The following LMBR1 variants were observed in gnomAD, a reference collection of about 807,000 sequenced individuals.
The protein encoded by LMBR1 is limb region 1 protein homolog.
LMBR1 carries 52 observed loss-of-function variants against 73.9 expected under a neutral mutation model. That is an observed-to-expected ratio of 0.70 (90% CI 0.56 to 0.89). The LOEUF (loss-of-function observed/expected upper bound fraction) is 0.89. LMBR1 is among the 40% of genes least tolerant of loss of function. The probability of loss-of-function intolerance (pLI) is 0.00; values close to 1 mark genes in which losing one functional copy is unlikely to be tolerated. For synonymous variants in LMBR1, 215 were observed against 209.4 expected, an observed-to-expected ratio of 1.03 and a Z score of -0.23; for missense variants, 539 against 579.8, an observed-to-expected ratio of 0.93 and a Z score of 0.72.
chr7:156,819,381 T>C (rs1018660903), intron 4 of LMBR1, among the ~76,000 whole-genome samples: 7 of 152,224 alleles, frequency 4.6e-5, no homozygotes, highest in African/African-American at 1.7e-4. Flanking sequence ...AAAACATCCA[T>C]ACTGACAATT....
chr7:156,874,124 G>A (rs1355039654), intron 1 of LMBR1, among the ~76,000 whole-genome samples: 2 of 152,236 alleles, frequency 1.3e-5, no homozygotes, highest in Non-Finnish European at 2.9e-5. Flanking sequence ...CAGGCATGGT[G>A]GGCTGCAGGT....
chr7:156,692,648 G>C (rs1210313080), intron 15 of LMBR1, among the ~76,000 whole-genome samples: 2 of 152,210 alleles, frequency 1.3e-5, no homozygotes, highest in African/African-American at 2.4e-5. Context: ...CACCTAAAGA[G>C]AGACTGCAGT....
intron 1 of LMBR1, among the ~76,000 whole-genome samples, chr7:156,873,738 G>T (rs1799703731): frequency 2.6e-5 from 4 of 152,058 alleles, no homozygotes; most frequent in African/African-American, 9.6e-5. Context: ...TAAACACAGG[G>T]TGCTGATTGG....
intron 1 of LMBR1, among the ~76,000 whole-genome samples, chr7:156,846,283 AAAAC>A (rs1469939751): frequency 2.0e-5 from 3 of 152,098 alleles, no homozygotes; most frequent in African/African-American, 7.2e-5. Flanking sequence ...GTCTTTTAAA[AAAAC>A]AAACAAACAA....
intron 4 of LMBR1, among the ~76,000 whole-genome samples, chr7:156,799,894 A>G (rs1424434690): frequency 1.3e-5 from 2 of 152,248 alleles, no homozygotes; most frequent in Admixed American, 1.3e-4. Context: ...TGCTCTGGAC[A>G]GATCACACCA....
intron 1 of LMBR1, among the ~76,000 whole-genome samples, chr7:156,856,594 G>T (rs914562452): frequency 2.6e-5 from 4 of 151,844 alleles, no homozygotes; most frequent in Non-Finnish European, 5.9e-5. Flanking sequence ...GGTGGCATGT[G>T]CCTGTAATCT....
chr7:156,833,845 C>CATT lies in LMBR1; in HGVS notation c.140-56_140-54dup, dbSNP rs763209749. The CATT allele has an allele frequency of 9.5e-4, 1,089 of 1,143,336 alleles. 4 individuals carry two copies. Among genetic ancestry groups the CATT allele is most frequent in the South Asian group, 1.3e-3 (95 of 72,030 alleles). 70.8% of individuals were successfully genotyped at this position (1,143,336 alleles called of 1,614,324 possible). A position where few individuals can be genotyped will look rare whatever the true frequency, so the allele number is the denominator to read the frequency against. ...TCCTTTATCTTCTAACAAAATGCGT[C>CATT]ATTAATTTATTAAAACTATAAACAC... On this transcript the variant is annotated intron_variant, in intron 2 of 16. Transcript: ENST00000353442.
intron 4 of LMBR1, among the ~76,000 whole-genome samples, chr7:156,820,728 C>T (rs1834643569): frequency 1.3e-5 from 2 of 152,128 alleles, no homozygotes; most frequent in African/African-American, 2.4e-5. Context: ...TTCTCATTTG[C>T]GTGTGTTGCT....
At chr7:156,791,285 T>C (rs1563368551) in intron 5 of LMBR1, among the ~76,000 whole-genome samples, 1 of 152,138 alleles carries the variant, frequency 6.6e-6, no homozygotes, top group Non-Finnish European at 1.5e-5. Context: ...AAGCAGCACT[T>C]CCTTAATCAC....
downstream of LMBR1, among the ~76,000 whole-genome samples, chr7:156,673,717 A>G (rs907097233): frequency 6.6e-6 from 1 of 152,104 alleles, no homozygotes; most frequent in Non-Finnish European, 1.5e-5. Context: ...CCTTAAAGCC[A>G]ATACTCATTC....
In LMBR1 at chr7:156,833,764, G is replaced by A. The variant is rs1308711367; in HGVS notation, c.168C>T (p.Val56=). The A allele has an allele frequency of 1.9e-6, 3 of 1,599,724 alleles. No homozygotes were observed. The highest frequency in any genetic ancestry group is 2.6e-6 in the Non-Finnish European group (3 of 1,173,130). ...SDEQEDEDAI[V]NRISLFLSTF... is the part of the protein sequence containing the mutation. ...TTTAAAATACATACGAAATCCTGTT[G>A]ACGATGGCATCTTCATCTTCTTGTT... Residue 56 remains valine, a synonymous_variant, in exon 3 of 17, where the codon GTC becomes GTT. Transcript: ENST00000353442.
intron 4 of LMBR1, among the ~76,000 whole-genome samples, chr7:156,811,151 A>C (rs2133606126): frequency 6.6e-6 from 1 of 152,220 alleles, no homozygotes; most frequent in African/African-American, 2.4e-5. Flanking sequence ...CCTCAAATTC[A>C]TTAATCTCTT....
At chr7:156,873,358 G>A (rs553333920) in intron 1 of LMBR1, among the ~76,000 whole-genome samples, 22 of 152,258 alleles carry the variant, frequency 1.4e-4, no homozygotes, top group East Asian at 1.4e-3. Context: ...AGATCTTCGC[G>A]GTGAGTGTTA....
At chr7:156,878,940 T>C (rs780845625) in intron 1 of LMBR1, among the ~76,000 whole-genome samples, 9 of 151,656 alleles carry the variant, frequency 5.9e-5, no homozygotes, top group Non-Finnish European at 1.3e-4. Flanking sequence ...AACAAAAACA[T>C]AAAGTGGGGA....
intron 5 of LMBR1, among the ~76,000 whole-genome samples, chr7:156,767,325 T>C (rs1418142074): frequency 2.0e-5 from 3 of 152,042 alleles, no homozygotes; most frequent in African/African-American, 7.2e-5. Flanking sequence ...ATGACAAATT[T>C]TTTCTAAATA....
Position 156,728,004 on chromosome 7 carries a change from T to C in LMBR1, c.919A>G (p.Ile307Val). 6.2e-7 allele frequency: 1 copy of C among 1,610,940 alleles called. No homozygotes were observed. The highest frequency in any genetic ancestry group is 1.1e-5 in the South Asian group (1 of 90,760). The change falls in exon 12 of 17, where the codon ATC becomes GTC. Residue 307 changes from isoleucine (I) to valine (V), a missense_variant. Coordinates refer to ENST00000353442, the MANE Select transcript of LMBR1 (RefSeq NM_022458.4). ...TTACAAGCCACCAAGAGGACCGAGA[T>C]GGACTACAAGACAAACAGCAAACTG... ...VMVLLLIETS[I>V]SVLLVACNIL...
Position 156,836,986 on chromosome 7 carries a change from C to T in LMBR1, c.67-101G>A, listed in dbSNP as rs1000188671. 95 of 778,376 alleles carry T rather than the reference C, an allele frequency of 1.2e-4. 1 individual carries two copies. The African/African-American group carries it at 1.5e-3, about 12-fold the overall frequency. The allele number at this position is 778,376 out of a possible 1,614,324, so 48.2% of individuals were successfully genotyped here. On this transcript the variant is annotated intron_variant, in intron 1 of 16. Coordinates refer to ENST00000353442, the MANE Select transcript of LMBR1 (RefSeq NM_022458.4). ...TATTTATAGGAAAAAAGGATTTAAA[C>T]TACTAAAAAGTTAAAATGCTGGACA... is the stretch of plus-strand genomic sequence containing the variant.
intron 15 of LMBR1, among the ~76,000 whole-genome samples, chr7:156,697,508 C>T (rs576132541): frequency 6.6e-5 from 10 of 152,278 alleles, no homozygotes; most frequent in African/African-American, 2.2e-4. Context: ...ATAAGACAGT[C>T]ATTCCCAGAG....
At chr7:156,740,890 T>C (rs1818759775) in intron 9 of LMBR1, among the ~76,000 whole-genome samples, 1 of 152,190 alleles carries the variant, frequency 6.6e-6, no homozygotes, top group Non-Finnish European at 1.5e-5. Context: ...AAACTACTCT[T>C]ATCGTAAGTA....
Sources: gnomAD v4.1 joint callset for allele counts (sites outside exome capture counted in the v4.1 genomes callset) on GRCh38, gnomAD v4.1.1 for gene constraint, MANE v1.5 for transcripts, NCBI Gene and HGNC (gene_info 2026-07-23, HGNC 2026-07-21) for gene names.